Variants in AGBL4 observed in about 807,000 individuals in gnomAD.
AGBL4 encodes the protein cytosolic carboxypeptidase 6.
A neutral mutation model predicts 66.4 loss-of-function variants in AGBL4; 58 were observed. The ratio of observed to expected loss-of-function variants is 0.87; its 90% CI spans 0.71 to 1.09. AGBL4 has a LOEUF of 1.09. AGBL4 is among the 50% of genes least tolerant of loss of function. AGBL4 has a pLI of 0.00. For missense variants in AGBL4, 579 were observed against 631.0 expected (o/e 0.92, Z 0.88); for synonymous variants, 234 against 222.9 (o/e 1.05, Z -0.44).
At chr1:49,422,360 T>C (rs1353661590) in intron 3 of AGBL4, among the ~76,000 whole-genome samples, 1 of 152,230 alleles carries the variant, frequency 6.6e-6, no homozygotes, top group Non-Finnish European at 1.5e-5. Context: ...CACAAATAAA[T>C]GGAGATATGA....
intron 2 of AGBL4, among the ~76,000 whole-genome samples, chr1:49,850,928 T>C (rs1646287358): frequency 6.6e-6 from 1 of 152,034 alleles, no homozygotes; most frequent in South Asian, 2.1e-4. Context: ...CCCACAGCAT[T>C]TGCCAATTAC....
Position 49,520,185 on chromosome 1 carries a change from T to C in AGBL4, c.282+177128A>G, listed in dbSNP as rs1650144937. Among the ~76,000 whole-genome samples, 4 of 152,198 alleles carry C rather than the reference T, an allele frequency of 2.6e-5. No individual in the cohort carries two copies. In the South Asian group the frequency reaches 8.3e-4, roughly 32 times the overall value. On this transcript the variant is annotated intron_variant, in intron 3 of 13. Coordinates refer to ENST00000371839, the MANE Select transcript of AGBL4 (RefSeq NM_032785.4). ...TGATTACCTGCTCATTGCTCCTGCC[T>C]GTTAGTATTTAACTTCCTCCTCTGG...
intron 5 of AGBL4, among the ~76,000 whole-genome samples, chr1:48,891,507 G>T (rs1184146169): frequency 6.6e-6 from 1 of 152,108 alleles, no homozygotes; most frequent in Non-Finnish European, 1.5e-5. Flanking sequence ...TCTGATGGAG[G>T]GCACATAAAG....
intron 5 of AGBL4, among the ~76,000 whole-genome samples, chr1:48,943,503 A>AC (rs1437050135): frequency 6.6e-6 from 1 of 152,126 alleles, no homozygotes; most frequent in Non-Finnish European, 1.5e-5. Flanking sequence ...GGGTCCTTAT[A>AC]CCCCCACATA....
chr1:49,799,954 G>T (rs1474656540), intron 2 of AGBL4, among the ~76,000 whole-genome samples: 1 of 152,112 alleles, frequency 6.6e-6, no homozygotes, highest in Non-Finnish European at 1.5e-5. Context: ...GCAGGAAAAA[G>T]AAGAGGGAGG....
rs892169840 is a variant in AGBL4 at position 49,049,667 on chromosome 1, G to A, written c.378-3867C>T. ...AGATTCTAGTTCAGTATAAAGTAGA[G>A]ACTCTTTAACATTCAGCTGAAGAGA... On this transcript the variant is annotated intron_variant, in intron 4 of 13. Transcript: ENST00000371839. Among the ~76,000 whole-genome samples the A allele has an allele frequency of 5.9e-5, 9 of 152,136 alleles. No individual in the cohort carries two copies. The East Asian group carries it at 1.7e-3, about 30-fold the overall frequency.
At chr1:49,729,197 G>GTC (rs1384228655) in intron 2 of AGBL4, among the ~76,000 whole-genome samples, 1 of 152,168 alleles carries the variant, frequency 6.6e-6, no homozygotes, top group Admixed American at 6.5e-5. Context: ...CTCTGTTTTT[G>GTC]TCAATATGCT....
chr1:49,671,705 T>C (rs1355539925), intron 3 of AGBL4, among the ~76,000 whole-genome samples: 1 of 152,060 alleles, frequency 6.6e-6, no homozygotes, highest in East Asian at 1.9e-4. Flanking sequence ...AAAGAAGACA[T>C]ACATGCAGCC....
chr1:49,938,253 G>T lies in AGBL4; in HGVS notation c.34+85510C>A, dbSNP rs550788888. Among the ~76,000 whole-genome samples, 12 of 152,216 alleles carry T rather than the reference G, an allele frequency of 7.9e-5. No individual in the cohort carries two copies. In the East Asian group the frequency reaches 1.5e-3, roughly 20 times the overall value. On this transcript the variant is annotated intron_variant, in intron 1 of 13. Coordinates refer to ENST00000371839, the MANE Select transcript of AGBL4 (RefSeq NM_032785.4). ...ATAAACCAGAAAATCTAGAAGAAAT[G>T]GATAAATTCCTCGACACATACACCC...
At chr1:48,559,807 C>G (rs1644370435) in intron 11 of AGBL4, among the ~76,000 whole-genome samples, 1 of 152,112 alleles carries the variant, frequency 6.6e-6, no homozygotes, top group African/African-American at 2.4e-5. Context: ...CCCTACATTC[C>G]TGCTTCCTCT....
At chr1:49,521,412 C>T (rs1650255136) in intron 3 of AGBL4, among the ~76,000 whole-genome samples, 1 of 151,944 alleles carries the variant, frequency 6.6e-6, no homozygotes, top group Non-Finnish European at 1.5e-5. Flanking sequence ...CAAAAACAGA[C>T]ACATAGACCA....
At chr1:49,338,341 G>C (rs1645476973) in intron 3 of AGBL4, among the ~76,000 whole-genome samples, 1 of 152,180 alleles carries the variant, frequency 6.6e-6, no homozygotes, top group Non-Finnish European at 1.5e-5. Context: ...TATTAAGATA[G>C]AGCTTAAATG....
chr1:49,976,427 G>C (rs1452688037), intron 1 of AGBL4, among the ~76,000 whole-genome samples: 1 of 152,062 alleles, frequency 6.6e-6, no homozygotes, highest in African/African-American at 2.4e-5. Flanking sequence ...AAATATCCTA[G>C]TAGAGATTAT....
At chr1:49,114,938 A>G (rs753628048) in intron 4 of AGBL4, among the ~76,000 whole-genome samples, 1 of 152,234 alleles carries the variant, frequency 6.6e-6, no homozygotes, top group Non-Finnish European at 1.5e-5. Context: ...AAAAAGTTTG[A>G]AATATTGCAA....
chr1:48,982,663 C>T (rs1659872295), intron 5 of AGBL4, among the ~76,000 whole-genome samples: 3 of 152,256 alleles, frequency 2.0e-5, no homozygotes, highest in South Asian at 4.1e-4. Context: ...AATAAACATA[C>T]GTGTGCATGT....
At chr1:48,688,988 C>A (rs999887421) in intron 6 of AGBL4, among the ~76,000 whole-genome samples, 1 of 151,644 alleles carries the variant, frequency 6.6e-6, no homozygotes, top group Non-Finnish European at 1.5e-5. Flanking sequence ...CCACTAGTAT[C>A]TAGGACATTT....
At chr1:48,746,306 T>C (rs1650753217) in intron 6 of AGBL4, among the ~76,000 whole-genome samples, 1 of 152,176 alleles carries the variant, frequency 6.6e-6, no homozygotes, top group Non-Finnish European at 1.5e-5. Flanking sequence ...TAAGTTCGTC[T>C]CTACTAAAGC....
At chr1:48,711,100 G>A (rs149467501) in intron 6 of AGBL4, among the ~76,000 whole-genome samples, 15 of 152,230 alleles carry the variant, frequency 9.9e-5, no homozygotes, top group African/African-American at 3.4e-4. Context: ...GGGCCTGACC[G>A]CAGGTGATCC....
chr1:49,921,648 C>A lies in AGBL4; in HGVS notation c.35-70130G>T, dbSNP rs1196343772. 2.6e-5 allele frequency among the ~76,000 whole-genome samples: 4 copies of A among 152,086 alleles called. No individual in the cohort carries two copies. In the East Asian group the frequency reaches 7.7e-4, roughly 29 times the overall value. On this transcript the variant is annotated intron_variant, in intron 1 of 13. Transcript: ENST00000371839. Reference sequence around the variant, plus strand: ...CAGTCTGTGGCTGAAGGCCAGAGAGCCCCCAGAAAACCACTAGCGTTAAGT... The same window carrying A: ...CAGTCTGTGGCTGAAGGCCAGAGAGACCCCAGAAAACCACTAGCGTTAAGT...
Sources: allele counts gnomAD v4.1 joint callset (sites outside exome capture counted in the v4.1 genomes callset), GRCh38; gene constraint gnomAD v4.1.1; transcripts MANE v1.5; gene names NCBI Gene and HGNC (gene_info 2026-07-23, HGNC 2026-07-21).